DPP10: variants seen among roughly 807,000 people sequenced by gnomAD.
DPP10 encodes dipeptidyl peptidase like 10, also known as inactive dipeptidyl peptidase 10.
In DPP10, 33 loss-of-function variants were observed where a neutral mutation model predicts 120.9. That is an observed-to-expected ratio of 0.27 (90% CI 0.21 to 0.37). The LOEUF (loss-of-function observed/expected upper bound fraction) is 0.37, where lower values mean the gene tolerates loss of function less well. Among genes scored for constraint, DPP10 ranks in the 10% least tolerant of loss-of-function variants. The pLI is 1.00. For synonymous variants in DPP10, 337 were observed against 326.1 expected, an observed-to-expected ratio of 1.03 and a Z score of -0.36; for missense variants, 816 against 942.8, an observed-to-expected ratio of 0.87 and a Z score of 1.76.
At chr2:115,747,181 T>A (rs1353348049) in intron 10 of DPP10, among the ~76,000 whole-genome samples, 1 of 152,102 alleles carries the variant, frequency 6.6e-6, no homozygotes, top group Non-Finnish European at 1.5e-5. Context: ...TAAATCCCAG[T>A]GAGAGTAAAT....
chr2:115,401,415 C>A (rs952901228), intron 3 of DPP10, among the ~76,000 whole-genome samples: 1 of 151,946 alleles, frequency 6.6e-6, no homozygotes, highest in African/African-American at 2.4e-5. Flanking sequence ...TCTTTCCCTG[C>A]AAAAACATTT....
At chr2:114,608,166 C>T (rs1054445437) in intron 1 of DPP10, among the ~76,000 whole-genome samples, 1 of 152,104 alleles carries the variant, frequency 6.6e-6, no homozygotes, top group African/African-American at 2.4e-5. Context: ...AGATGTTGGC[C>T]CTTATTCTTA....
intron 1 of DPP10, among the ~76,000 whole-genome samples, chr2:114,493,877 G>T (rs148940193): frequency 6.6e-6 from 1 of 152,060 alleles, no homozygotes; most frequent in South Asian, 2.1e-4. Context: ...CTGGGAGTCA[G>T]GATACCTGGC....
intron 1 of DPP10, among the ~76,000 whole-genome samples, chr2:115,135,127 G>C (rs1410522927): frequency 6.6e-6 from 1 of 151,934 alleles, no homozygotes; most frequent in African/African-American, 2.4e-5. Context: ...CAGGCAGCAT[G>C]CTAGATGTTG....
intron 1 of DPP10, among the ~76,000 whole-genome samples, chr2:114,904,012 A>G (rs2106634818): frequency 6.6e-6 from 1 of 152,382 alleles, no homozygotes; most frequent in Middle Eastern, 3.4e-3. Context: ...GATGACAAAT[A>G]GATTTTGGTA....
intron 1 of DPP10, among the ~76,000 whole-genome samples, chr2:114,491,474 A>G (rs1681994829): frequency 6.6e-6 from 1 of 152,194 alleles, no homozygotes; most frequent in South Asian, 2.1e-4. Flanking sequence ...ATCTCCATGA[A>G]GGGAGGAGAA....
intron 1 of DPP10, among the ~76,000 whole-genome samples, chr2:115,277,604 ATTACC>A (rs1209070245): frequency 1.3e-5 from 2 of 151,844 alleles, no homozygotes; most frequent in Non-Finnish European, 2.9e-5. Flanking sequence ...TGAAAGAATA[ATTACC>A]TTTGTAGTAA....
At chr2:115,727,701 T>G in intron 7 of DPP10, 115 bp from the exon 8 acceptor site, 1 of 1,182,356 alleles carries the variant, frequency 8.5e-7, no homozygotes, top group Non-Finnish European at 1.1e-6. Flanking sequence ...TAAAAACAAC[T>G]TGAAGCCCGT....
At chr2:115,177,931 C>A (rs2053814940) in intron 1 of DPP10, among the ~76,000 whole-genome samples, 1 of 151,794 alleles carries the variant, frequency 6.6e-6, no homozygotes, top group Admixed American at 6.6e-5. Context: ...GCCCGGCTAA[C>A]TTTTTGTATT....
intron 4 of DPP10, among the ~76,000 whole-genome samples, chr2:115,521,483 G>T (rs2077804413): frequency 6.6e-6 from 1 of 151,930 alleles, no homozygotes; most frequent in African/African-American, 2.4e-5. Flanking sequence ...AAATATGCCT[G>T]TTTTTCTTTA....
At chr2:115,724,144 A>G (rs1052909560) in intron 7 of DPP10, among the ~76,000 whole-genome samples, 2 of 152,204 alleles carry the variant, frequency 1.3e-5, no homozygotes, top group African/African-American at 2.4e-5. Flanking sequence ...TGAATCACTT[A>G]TGGTAAGCTA....
intron 3 of DPP10, among the ~76,000 whole-genome samples, chr2:115,366,191 G>A (rs1024987718): frequency 6.6e-6 from 1 of 151,728 alleles, no homozygotes; most frequent in Non-Finnish European, 1.5e-5. Context: ...TGCTCTGGAT[G>A]ACTCTCCACT....
chr2:114,811,758 G>A (rs921223993), intron 1 of DPP10, among the ~76,000 whole-genome samples: 1 of 152,180 alleles, frequency 6.6e-6, no homozygotes, highest in African/African-American at 2.4e-5. Flanking sequence ...GCTGAGCAGA[G>A]GAGCTTCTTA....
chr2:115,257,447 G>A (rs187805131), intron 1 of DPP10, among the ~76,000 whole-genome samples: 69 of 152,256 alleles, frequency 4.5e-4, no homozygotes, highest in African/African-American at 1.5e-3. Flanking sequence ...AGAAGGCAAG[G>A]GGGAAGCAGG....
At chr2:114,482,094 C>T (rs1474975979) in intron 1 of DPP10, among the ~76,000 whole-genome samples, 1 of 152,110 alleles carries the variant, frequency 6.6e-6, no homozygotes, top group Non-Finnish European at 1.5e-5. Flanking sequence ...ATCCAGTCAC[C>T]TCCCACCAGG....
chr2:114,767,927 C>T (rs1680883170), intron 1 of DPP10, among the ~76,000 whole-genome samples: 1 of 151,958 alleles, frequency 6.6e-6, no homozygotes, highest in Non-Finnish European at 1.5e-5. Context: ...TTGAAACCAG[C>T]CAGGCCAACA....
At chr2:114,931,824 T>C (rs1696091158) in intron 1 of DPP10, among the ~76,000 whole-genome samples, 1 of 152,174 alleles carries the variant, frequency 6.6e-6, no homozygotes, top group Admixed American at 6.5e-5. Flanking sequence ...CCCAGTAAAA[T>C]GTTGGAGGTC....
intron 1 of DPP10, among the ~76,000 whole-genome samples, chr2:114,455,483 G>T (rs1573387520): frequency 6.6e-6 from 1 of 151,676 alleles, no homozygotes; most frequent in African/African-American, 2.4e-5. Flanking sequence ...ATGCGGAGGT[G>T]GCAGTGAGCA....
intron 5 of DPP10, among the ~76,000 whole-genome samples, chr2:115,648,917 A>C (rs1029234844): frequency 1.3e-5 from 2 of 152,028 alleles, no homozygotes; most frequent in Admixed American, 1.3e-4. Context: ...AGATTAATGG[A>C]GTAGGGACAC....
Sources: gnomAD v4.1 joint callset for allele counts (sites outside exome capture counted in the v4.1 genomes callset) on GRCh38, gnomAD v4.1.1 for gene constraint, MANE v1.5 for transcripts, NCBI Gene and HGNC (gene_info 2026-07-23, HGNC 2026-07-21) for gene names.